LRP1B: variants seen among roughly 807,000 people sequenced by gnomAD.
LRP1B encodes LDL receptor related protein 1B.
A neutral mutation model predicts 556.6 loss-of-function variants in LRP1B; 217 were observed. That is an observed-to-expected ratio of 0.39 (90% CI 0.35 to 0.44). The LOEUF (loss-of-function observed/expected upper bound fraction) is 0.44, where lower values mean the gene tolerates loss of function less well. Ranked by LOEUF, LRP1B falls within the 20% of genes least tolerant of loss-of-function variation. The pLI, the probability that LRP1B is intolerant of heterozygous loss-of-function variation, is 1.00. For synonymous variants in LRP1B, 2,047 were observed against 1,865.8 expected (o/e 1.10, Z -2.50); for missense variants, 5,053 against 5,620.8 (o/e 0.90, Z 3.23).
intron 35 of LRP1B, among the ~76,000 whole-genome samples, chr2:140,751,917 T>C (rs1688592608): frequency 6.6e-6 from 1 of 152,156 alleles, no homozygotes; most frequent in South Asian, 2.1e-4. Context: ...CGAATACCCA[T>C]GTAGGATATA....
intron 2 of LRP1B, among the ~76,000 whole-genome samples, chr2:141,756,549 ACACACAC>A (rs1694325940): frequency 3.1e-5 from 1 of 32,190 alleles, no homozygotes; most frequent in African/African-American, 5.2e-5. Context: ...CAAATTACAC[ACACACAC>A]ACACACACAC....
At chr2:141,629,898 A>G (rs1334406316) in intron 2 of LRP1B, among the ~76,000 whole-genome samples, 2 of 152,132 alleles carry the variant, frequency 1.3e-5, no homozygotes. Flanking sequence ...CTCTGTTCCC[A>G]CCAAGAGTGA....
intron 6 of LRP1B, among the ~76,000 whole-genome samples, chr2:141,220,780 A>T (rs867453223): frequency 2.6e-5 from 4 of 152,042 alleles, no homozygotes; most frequent in Middle Eastern, 6.8e-3. Flanking sequence ...AAAAAAAAAA[A>T]AAAAAAGAAT....
At chr2:140,774,065 T>C (rs1008696164) in intron 33 of LRP1B, among the ~76,000 whole-genome samples, 10 of 152,170 alleles carry the variant, frequency 6.6e-5, no homozygotes, top group African/African-American at 2.4e-4. Context: ...AAGTCACTAA[T>C]TGTACTTTGA....
rs1303875192 is a variant in LRP1B, at chr2:140,625,606, A to C, written c.6800-23967T>G. 1.3e-5 allele frequency among the ~76,000 whole-genome samples: 2 copies of C among 152,214 alleles called. 1 individual carries two copies. The highest frequency in any genetic ancestry group is 1.3e-4 in the Admixed American group (2 of 15,284). On this transcript the variant is annotated intron_variant, in intron 41 of 90. Transcript: ENST00000389484. ...AGACACCTCATCAAACAAGATATACAGATAGTAAATAAGCATATGAAAAGA... is the reference window on the plus strand; with the variant it reads ...AGACACCTCATCAAACAAGATATACCGATAGTAAATAAGCATATGAAAAGA...
chr2:140,649,052 CA>C (rs1684583506), intron 41 of LRP1B, among the ~76,000 whole-genome samples: 1 of 152,078 alleles, frequency 6.6e-6, no homozygotes, highest in African/African-American at 2.4e-5. Context: ...TTGACCTCCT[CA>C]ACCCTTTGTA....
At chr2:140,970,714 CTTTTTTTTTTTTTTTTTTTTTTTTT>C (rs571691521) in intron 18 of LRP1B, among the ~76,000 whole-genome samples, 2 of 12,258 alleles carry the variant, frequency 1.6e-4, no homozygotes, top group South Asian at 2.6e-3. Flanking sequence ...ATTTTTTAAC[CTTTTTTTTTTTTTTTTTTTTTTTTT>C]TTTTTTTTTT....
chr2:141,779,042 T>C (rs1277931589), intron 2 of LRP1B, among the ~76,000 whole-genome samples: 3 of 152,164 alleles, frequency 2.0e-5, no homozygotes, highest in Non-Finnish European at 4.4e-5. Flanking sequence ...ATTATCTCAT[T>C]TAATCTGAGA....
intron 1 of LRP1B, among the ~76,000 whole-genome samples, chr2:142,094,506 A>T (rs1706287277): frequency 6.6e-6 from 1 of 152,074 alleles, no homozygotes. Context: ...GTTAAGTGAC[A>T]GCACTGCTTG....
intron 17 of LRP1B, 47 bp downstream of exon 17, chr2:140,989,484 AG>A (rs762227679): frequency 6.9e-6 from 11 of 1,605,424 alleles, no homozygotes; most frequent in Non-Finnish European, 6.8e-6. Context: ...ATTTTTATTA[AG>A]ACTAACTTTG....
intron 2 of LRP1B, among the ~76,000 whole-genome samples, chr2:141,563,479 G>T (rs1316914060): frequency 6.6e-6 from 1 of 151,958 alleles, no homozygotes; most frequent in Non-Finnish European, 1.5e-5. Context: ...AATTAGGGAA[G>T]CTAGAAGAAA....
At chr2:140,236,742 C>T (rs548559899) in intron 89 of LRP1B, among the ~76,000 whole-genome samples, 1 of 150,954 alleles carries the variant, frequency 6.6e-6, no homozygotes, top group South Asian at 2.1e-4. Flanking sequence ...GCTTATCTGG[C>T]TCATCATTTA....
rs72987171 is a variant in LRP1B, at chr2:141,430,775, A to G, written c.343+49621T>C. On this transcript the variant is annotated intron_variant, in intron 3 of 90. Coordinates refer to ENST00000389484, the MANE Select transcript of LRP1B (RefSeq NM_018557.3). ...CTTTTGGTTATACAATCAAATGCCA[A>G]TCTAGGTGCTGTTGTGAAGGGATTT... Among the ~76,000 whole-genome samples, 1,496 of 152,250 alleles carry G rather than the reference A, an allele frequency of 9.8e-3. 24 individuals carry two copies. Among genetic ancestry groups the G allele is most frequent in the African/African-American group, 0.034 (1,407 of 41,548 alleles).
chr2:141,668,570 G>A (rs1235550291), intron 2 of LRP1B, among the ~76,000 whole-genome samples: 1 of 152,114 alleles, frequency 6.6e-6, no homozygotes, highest in African/African-American at 2.4e-5. Flanking sequence ...GCTGTGGGAT[G>A]GCCAAACTCC....
rs544631065 is a variant in LRP1B at position 141,656,172 on chromosome 2, C to T, written c.205+154107G>A. Among the ~76,000 whole-genome samples the T allele has an allele frequency of 5.9e-5, 9 of 152,230 alleles. No individual in the cohort carries two copies. The South Asian group carries it at 1.9e-3, about 32-fold the overall frequency. Reference sequence around the variant, plus strand: ...TTCTAACTTCAGAAACCAGGCTCTTCAACACAATACCATGTTGCCTCCCTT... The same window carrying T: ...TTCTAACTTCAGAAACCAGGCTCTTTAACACAATACCATGTTGCCTCCCTT... On this transcript the variant is annotated intron_variant, in intron 2 of 90. Coordinates refer to ENST00000389484, the MANE Select transcript of LRP1B (RefSeq NM_018557.3).
chr2:140,361,363 T>C (rs1450918077), intron 72 of LRP1B, among the ~76,000 whole-genome samples: 1 of 130,326 alleles, frequency 7.7e-6, no homozygotes, highest in Non-Finnish European at 1.7e-5. Flanking sequence ...TATATATATA[T>C]ATATATATAT....
intron 35 of LRP1B, among the ~76,000 whole-genome samples, chr2:140,748,298 A>G (rs1294824713): frequency 1.3e-5 from 1 of 75,166 alleles, no homozygotes; most frequent in Non-Finnish European, 2.8e-5. Context: ...ATGTATATAT[A>G]TTCATATATT....
chr2:142,114,516 C>A (rs978472084), intron 1 of LRP1B, among the ~76,000 whole-genome samples: 1 of 152,056 alleles, frequency 6.6e-6, no homozygotes, highest in African/African-American at 2.4e-5. Flanking sequence ...TGAAATCAAC[C>A]TAAGTATCTA....
At chr2:140,340,227 T>C (rs752057234) in intron 77 of LRP1B, among the ~76,000 whole-genome samples, 1 of 151,502 alleles carries the variant, frequency 6.6e-6, no homozygotes, top group Non-Finnish European at 1.5e-5. Context: ...CACACTGAAT[T>C]TGGAATCAGA....
Sources: allele counts gnomAD v4.1 joint callset (sites outside exome capture counted in the v4.1 genomes callset), GRCh38; gene constraint gnomAD v4.1.1; transcripts MANE v1.5; gene names NCBI Gene and HGNC (gene_info 2026-07-23, HGNC 2026-07-21).